Variants in SDC2 observed in about 807,000 individuals in gnomAD.
SDC2 encodes syndecan 2.
In SDC2, 13 loss-of-function variants were observed where a neutral mutation model predicts 22.2. The observed-to-expected ratio is 0.59, with a 90% CI of 0.38 to 0.93. SDC2 has a LOEUF of 0.93. Ranked by LOEUF, SDC2 falls within the 40% of genes least tolerant of loss-of-function variation. The pLI is 0.00. For synonymous variants in SDC2, 94 were observed against 92.8 expected (o/e 1.01, Z -0.07); for missense variants, 235 against 246.8 (o/e 0.95, Z 0.32).
intron 1 of SDC2, among the ~76,000 whole-genome samples, chr8:96,557,807 C>T (rs74414558): frequency 0.17 from 25,271 of 152,040 alleles, 2,365 homozygotes; most frequent in East Asian, 0.39. Flanking sequence ...CCACTTCTTG[C>T]TGAACAGTAT....
intron 3 of SDC2, 151 bp downstream of exon 3, chr8:96,602,679 C>T: frequency 2.6e-6 from 2 of 783,518 alleles, no homozygotes; most frequent in Non-Finnish European, 3.9e-6. Context: ...TAAAAGACCC[C>T]ACTTAAAATT....
At chr8:96,530,023 CA>C (rs1291155942) in intron 1 of SDC2, among the ~76,000 whole-genome samples, 1 of 152,134 alleles carries the variant, frequency 6.6e-6, no homozygotes, top group African/African-American at 2.4e-5. Context: ...GATTTAGTGG[CA>C]GGGGCGGGGG....
At chr8:96,507,230 G>A (rs960409740) in intron 1 of SDC2, among the ~76,000 whole-genome samples, 3 of 152,304 alleles carry the variant, frequency 2.0e-5, no homozygotes, top group East Asian at 1.9e-4. Context: ...TTTAGCCTAC[G>A]CTGTTTTATT....
At chr8:96,569,788 C>G (rs80148904) in intron 1 of SDC2, among the ~76,000 whole-genome samples, 2 of 152,120 alleles carry the variant, frequency 1.3e-5, no homozygotes, top group Non-Finnish European at 2.9e-5. Flanking sequence ...TCTCAAAGGT[C>G]GTTCACTTTG....
chr8:96,511,829 A>T (rs528212780), intron 1 of SDC2, among the ~76,000 whole-genome samples: 2 of 151,372 alleles, frequency 1.3e-5, no homozygotes, highest in African/African-American at 4.9e-5. Context: ...AGGCTTACGT[A>T]ACTCTCAGCT....
chr8:96,604,347 G>T (rs1306665259), intron 3 of SDC2, among the ~76,000 whole-genome samples: 2 of 152,102 alleles, frequency 1.3e-5, no homozygotes, highest in African/African-American at 4.8e-5. Flanking sequence ...AAATTAAGGA[G>T]CCCAAAAGAT....
In SDC2 at chr8:96,608,414, A is replaced by G. The variant is rs756010403; in HGVS notation, c.386A>G (p.Asn129Ser). 1.2e-6 allele frequency: 2 copies of G among 1,613,992 alleles called. No homozygotes were observed. The highest frequency in any genetic ancestry group is 2.2e-5 in the East Asian group (1 of 44,886). The change falls in exon 4 of 5, where the codon AAT becomes AGT. Residue 129 changes from asparagine to serine, a missense_variant. Transcript: ENST00000302190. ...ATGGACCCAGCCGAAGAGGATACAA[A>G]TGTGTATACTGAGAAACACTCAGAC... ...RKMDPAEEDT[N>S]VYTEKHSDSL... is the part of the protein sequence containing the mutation.
At chr8:96,552,748 G>T (rs1814047450) in intron 1 of SDC2, among the ~76,000 whole-genome samples, 1 of 152,112 alleles carries the variant, frequency 6.6e-6, no homozygotes, top group Admixed American at 6.5e-5. Flanking sequence ...TGGTTATGTT[G>T]TTCTTAGAAG....
chr8:96,565,097 T>TTTTTTTTTTTTGTTGTTG (rs1329448270), intron 1 of SDC2, among the ~76,000 whole-genome samples: 1 of 128,628 alleles, frequency 7.8e-6, no homozygotes, highest in African/African-American at 3.2e-5. Flanking sequence ...TTTTTTTTTT[T>TTTTTTTTTTTTGTTGTTG]TTGTTGAGAT....
intron 1 of SDC2, among the ~76,000 whole-genome samples, chr8:96,503,020 G>T (rs1168352249): frequency 3.3e-5 from 5 of 152,160 alleles, no homozygotes; most frequent in Non-Finnish European, 7.3e-5. Flanking sequence ...TTGTCTTGGG[G>T]TAGACTAGTT....
In SDC2 at chr8:96,540,684, A is replaced by G. The variant is rs1472031464; in HGVS notation, c.60+46353A>G. ...CTGTGGTTATGGAAGTCAGGATTTG[A>G]AAAGAGATTTAGCAATGTTTTTCTC... is the stretch of plus-strand genomic sequence containing the variant. On this transcript the variant is annotated intron_variant, in intron 1 of 4. Transcript: ENST00000302190. Among the ~76,000 whole-genome samples the G allele has an allele frequency of 2.0e-5, 3 of 152,182 alleles. No individual in the cohort carries two copies. In the East Asian group the frequency reaches 5.8e-4, roughly 29 times the overall value.
intron 1 of SDC2, among the ~76,000 whole-genome samples, chr8:96,524,181 T>C (rs183758339): frequency 3.3e-5 from 5 of 152,344 alleles, no homozygotes; most frequent in Non-Finnish European, 7.4e-5. Context: ...GTGCTGACTT[T>C]TCCTGGAGTG....
rs528347813 is a variant in SDC2 at position 96,550,631 on chromosome 8, C to T, written c.61-42849C>T. 9.8e-5 allele frequency among the ~76,000 whole-genome samples: 15 copies of T among 152,298 alleles called. 1 individual carries two copies. In the South Asian group the frequency reaches 2.9e-3, roughly 30 times the overall value. ...GCTGGTTCCCGCTCAACACACAGAC[C>T]TCAGGGCCCTGGGGAAATAACTTAG... On this transcript the variant is annotated intron_variant, in intron 1 of 4. Transcript: ENST00000302190.
intron 1 of SDC2, among the ~76,000 whole-genome samples, chr8:96,509,364 A>G (rs566073234): frequency 7.0e-6 from 1 of 142,452 alleles, no homozygotes; most frequent in South Asian, 2.2e-4. Context: ...CAGTGTCAAT[A>G]GTCTTTTGAG....
intron 1 of SDC2, among the ~76,000 whole-genome samples, chr8:96,494,627 G>C (rs1056179762): frequency 4.6e-5 from 7 of 152,146 alleles, no homozygotes; most frequent in Non-Finnish European, 8.8e-5. Flanking sequence ...CCCTCGGCGG[G>C]TCTTGCTGCG....
In SDC2 at chr8:96,516,924, T is replaced by C. The variant is rs538459132; in HGVS notation, c.60+22593T>C. ...AGTGTACAAGTTTCATGGGGCTATA[T>C]GTTCATATATTTCCATTTCTCCTGA... On this transcript the variant is annotated intron_variant, in intron 1 of 4. Coordinates refer to ENST00000302190, the MANE Select transcript of SDC2 (RefSeq NM_002998.4). Among the ~76,000 whole-genome samples, 196 of 152,330 alleles carry C rather than the reference T, an allele frequency of 1.3e-3. 1 individual carries two copies. The highest frequency in any genetic ancestry group is 4.4e-3 in the African/African-American group (185 of 41,582).
intron 2 of SDC2, among the ~76,000 whole-genome samples, chr8:96,597,741 AAGGTGAGAAGACACAG>A (rs1814903874): frequency 6.6e-6 from 1 of 152,198 alleles, no homozygotes; most frequent in Admixed American, 6.5e-5. Flanking sequence ...GCTCATTTGG[AAGGTGAGAAGACACAG>A]AGGATATTCA....
chr8:96,540,283 G>C (rs1464500036), intron 1 of SDC2, among the ~76,000 whole-genome samples: 1 of 148,392 alleles, frequency 6.7e-6, no homozygotes, highest in Admixed American at 6.8e-5. Flanking sequence ...CTTGAGCTTG[G>C]GTGTTCAAGA....
At chr8:96,502,075 C>T (rs1234612424) in intron 1 of SDC2, among the ~76,000 whole-genome samples, 2 of 151,986 alleles carry the variant, frequency 1.3e-5, no homozygotes, top group Non-Finnish European at 1.5e-5. Context: ...AAAGACATAC[C>T]CAAGACTAGG....
Sources: gnomAD v4.1 joint callset for allele counts (sites outside exome capture counted in the v4.1 genomes callset) on GRCh38, gnomAD v4.1.1 for gene constraint, MANE v1.5 for transcripts, NCBI Gene and HGNC (gene_info 2026-07-23, HGNC 2026-07-21) for gene names.